The following ITSN1 variants were observed in gnomAD, a reference collection of about 807,000 sequenced individuals.
ITSN1 encodes intersectin-1.
ITSN1 carries 58 observed loss-of-function variants against 239.8 expected under a neutral mutation model. That is an observed-to-expected ratio of 0.24 (90% CI 0.20 to 0.30). The LOEUF is 0.30. ITSN1 is among the 10% of genes least tolerant of loss of function. ITSN1 has a pLI of 1.00. For missense variants in ITSN1, 1,558 were observed against 2,103.3 expected, an observed-to-expected ratio of 0.74 and a Z score of 5.07; for synonymous variants, 780 against 770.8, an observed-to-expected ratio of 1.01 and a Z score of -0.20.
At chr21:33,792,961 A>G (rs779151543) in intron 16 of ITSN1, among the ~76,000 whole-genome samples, 1 of 146,094 alleles carries the variant, frequency 6.8e-6, no homozygotes, top group Non-Finnish European at 1.5e-5. Flanking sequence ...TTCCTCCAGT[A>G]CCTTCCTCTT....
chr21:33,699,962 A>G (rs1056926327), intron 1 of ITSN1, among the ~76,000 whole-genome samples: 1 of 151,798 alleles, frequency 6.6e-6, no homozygotes, highest in Admixed American at 6.6e-5. Context: ...GCATCTTGCT[A>G]TGTTGCCCAG....
intron 29 of ITSN1, among the ~76,000 whole-genome samples, chr21:33,844,495 C>T (rs1465474616): frequency 6.6e-6 from 1 of 152,176 alleles, no homozygotes; most frequent in African/African-American, 2.4e-5. Flanking sequence ...GAACGTTCAG[C>T]CCCCTAGACA....
intron 31 of ITSN1, among the ~76,000 whole-genome samples, chr21:33,863,627 C>CAAACA (rs1392234136): frequency 3.9e-5 from 6 of 152,106 alleles, no homozygotes; most frequent in Non-Finnish European, 5.9e-5. Flanking sequence ...GACTCTGTCT[C>CAAACA]AAACAAAACA....
chr21:33,848,295 G>A (rs2148451700), intron 29 of ITSN1, among the ~76,000 whole-genome samples: 1 of 152,374 alleles, frequency 6.6e-6, no homozygotes, highest in Non-Finnish European at 1.5e-5. Flanking sequence ...AGGGGGAAAT[G>A]TGGACACACA....
intron 3 of ITSN1, 141 bp from the exon 4 acceptor site, chr21:33,722,447 C>T: frequency 9.2e-7 from 1 of 1,085,904 alleles, no homozygotes; most frequent in Non-Finnish European, 1.2e-6. Context: ...TGGGCTTATC[C>T]TTGGACTTTT....
intron 1 of ITSN1, among the ~76,000 whole-genome samples, chr21:33,685,179 A>T (rs2091178467): frequency 6.6e-6 from 1 of 152,210 alleles, no homozygotes; most frequent in African/African-American, 2.4e-5. Context: ...CTAAGGTCTG[A>T]ATACAACTTT....
At chr21:33,819,991 AAAAAT>A (rs1023844812) in intron 24 of ITSN1, among the ~76,000 whole-genome samples, 13 of 152,214 alleles carry the variant, frequency 8.5e-5, no homozygotes, top group African/African-American at 1.2e-4. Context: ...TCCGTCTCAA[AAAAAT>A]AAAATAAAAT....
chr21:33,844,339 G>A (rs183900716), intron 29 of ITSN1, among the ~76,000 whole-genome samples: 1 of 152,214 alleles, frequency 6.6e-6, no homozygotes, highest in East Asian at 1.9e-4. Context: ...GGAATGTGCA[G>A]GGCTTTTAAA....
chr21:33,668,170 C>T (rs913843354), intron 1 of ITSN1, among the ~76,000 whole-genome samples: 11 of 152,216 alleles, frequency 7.2e-5, no homozygotes, highest in Non-Finnish European at 1.6e-4. Flanking sequence ...CTAGCACTTA[C>T]TGCCTTTGAA....
At chr21:33,755,202 A>G in intron 7 of ITSN1, 95 bp from the exon 8 acceptor site, 1 of 566,852 alleles carries the variant, frequency 1.8e-6, no homozygotes, top group South Asian at 3.1e-5. Flanking sequence ...AGAGATGATT[A>G]TCTAGAGAAG....
At chr21:33,795,167 A>G (rs2071440467) in intron 17 of ITSN1, among the ~76,000 whole-genome samples, 1 of 152,112 alleles carries the variant, frequency 6.6e-6, no homozygotes. Flanking sequence ...AAATTAGATT[A>G]AGGCCAGGCA....
chr21:33,738,049 G>T (rs2066612051), intron 5 of ITSN1, among the ~76,000 whole-genome samples: 1 of 152,014 alleles, frequency 6.6e-6, no homozygotes, highest in Non-Finnish European at 1.5e-5. Context: ...TGGGTATGGT[G>T]GTGTGTGCCT....
chr21:33,778,529 A>G (rs993443881), intron 14 of ITSN1, among the ~76,000 whole-genome samples: 2 of 150,562 alleles, frequency 1.3e-5, no homozygotes, highest in African/African-American at 4.9e-5. Context: ...TATATTATCT[A>G]AATTATTAAA....
Position 33,896,005 on chromosome 21 carries a change from A to G in ITSN1, c.*7705A>G, listed in dbSNP as rs1411813758. The G allele has an allele frequency of 1.3e-5, 2 of 152,370 alleles. No homozygotes were observed. Among genetic ancestry groups the G allele is most frequent in the African/African-American group, 2.4e-5 (1 of 41,444 alleles). 9.4% of individuals were successfully genotyped at this position (152,370 alleles called of 1,614,324 possible). Reference sequence around the variant, plus strand: ...CACACCCAGGAGGCCGGCCCTGACCACACTGTTCTCTGCTGGTTCCCGAAG... The same window carrying G: ...CACACCCAGGAGGCCGGCCCTGACCGCACTGTTCTCTGCTGGTTCCCGAAG... On this transcript the variant is annotated 3_prime_UTR_variant, in exon 40 of 40. Transcript: ENST00000381318.
chr21:33,701,365 T>C (rs1364666186), intron 1 of ITSN1, among the ~76,000 whole-genome samples: 1 of 152,078 alleles, frequency 6.6e-6, no homozygotes, highest in Non-Finnish European at 1.5e-5. Context: ...ACTCAAGTGA[T>C]CTCCCTGCTT....
chr21:33,763,100 T>C (rs1327782861), intron 9 of ITSN1, among the ~76,000 whole-genome samples: 2 of 152,026 alleles, frequency 1.3e-5, no homozygotes. Context: ...TTTGTTCAGC[T>C]CAGGACTGAA....
intron 16 of ITSN1, among the ~76,000 whole-genome samples, chr21:33,783,929 G>T (rs2070408320): frequency 6.6e-6 from 1 of 152,068 alleles, no homozygotes; most frequent in Non-Finnish European, 1.5e-5. Context: ...TAATTTTGGT[G>T]ATTGAATTTC....
chr21:33,704,003 A>AG (rs1270182660), intron 1 of ITSN1, among the ~76,000 whole-genome samples: 1 of 152,142 alleles, frequency 6.6e-6, no homozygotes, highest in African/African-American at 2.4e-5. Context: ...CAGAGAGAAG[A>AG]ATGCCTTTCC....
intron 24 of ITSN1, among the ~76,000 whole-genome samples, chr21:33,819,952 G>A (rs2073558327): frequency 6.6e-6 from 1 of 152,038 alleles, no homozygotes. Flanking sequence ...ACTGCAGTCC[G>A]CAGTCCGGCC....
Sources: allele counts gnomAD v4.1 joint callset (sites outside exome capture counted in the v4.1 genomes callset), GRCh38; gene constraint gnomAD v4.1.1; transcripts MANE v1.5; gene names NCBI Gene and HGNC (gene_info 2026-07-23, HGNC 2026-07-21).